The following COPS8 variants were observed in gnomAD, a reference collection of about 807,000 sequenced individuals.
COPS8 encodes COP9 signalosome subunit 8.
A neutral mutation model predicts 31.5 loss-of-function variants in COPS8; 11 were observed. That is an observed-to-expected ratio of 0.35 (90% CI 0.22 to 0.58). COPS8 has a LOEUF of 0.58. Ranked by LOEUF, COPS8 falls within the 20% of genes least tolerant of loss-of-function variation. COPS8 has a pLI of 0.83. For missense variants in COPS8, 215 were observed against 255.1 expected, an observed-to-expected ratio of 0.84 and a Z score of 1.07; for synonymous variants, 81 against 89.3, an observed-to-expected ratio of 0.91 and a Z score of 0.52.
intron 2 of COPS8, among the ~76,000 whole-genome samples, chr2:237,087,822 C>T (rs1297552969): frequency 6.6e-6 from 1 of 152,016 alleles, no homozygotes; most frequent in Non-Finnish European, 1.5e-5. Flanking sequence ...ATCCCAGCTA[C>T]CTGGGAGGCT....
In COPS8 at chr2:237,096,855, T is replaced by C. The variant is rs200178841; in HGVS notation, c.536T>C (p.Phe179Ser). Residue 179 changes from phenylalanine to serine, a missense_variant, in exon 7 of 8, where the codon TTT becomes TCT. By Grantham distance (155) the Phe-to-Ser change is radical. Transcript: ENST00000354371. ...AGALDVSFNK[F>S]IPLSEPAPVP... Reference sequence around the variant, plus strand: ...GCCCTGGATGTTTCCTTTAACAAGTTTATTCCCTTATCAGGTATGTATTTT... The same window carrying C: ...GCCCTGGATGTTTCCTTTAACAAGTCTATTCCCTTATCAGGTATGTATTTT... The C allele has an allele frequency of 6.2e-7, 1 of 1,610,246 alleles. No individual in the cohort carries two copies. The highest frequency in any genetic ancestry group is 1.7e-5 in the Admixed American group (1 of 59,576).
Position 237,099,564 on chromosome 2 carries a change from G to C in COPS8, c.*1822G>C, listed in dbSNP as rs1364198207. On this transcript the variant is annotated 3_prime_UTR_variant, in exon 8 of 8. Coordinates refer to ENST00000354371, the MANE Select transcript of COPS8 (RefSeq NM_006710.5). ...TTAAATTAATAATCATGTAACATTA[G>C]ACCCCAGTAATCTTAAATTTGACAT... 3 of 151,986 alleles carry C rather than the reference G, an allele frequency of 2.0e-5. No individual in the cohort carries two copies. In the East Asian group the frequency reaches 5.8e-4, roughly 29 times the overall value. The allele number at this position is 151,986 out of a possible 1,614,324, so 9.4% of individuals were successfully genotyped here.
chr2:237,088,793 C>T lies in COPS8; in HGVS notation c.198+140C>T, dbSNP rs539033515. On this transcript the variant is annotated intron_variant, in intron 3 of 7. Transcript: ENST00000354371. ...GTATTAAGGATTCGAAATAAATCTTCAGAGTCCTCTAATCAGAAATTTGAA... is the reference window on the plus strand; with the variant it reads ...GTATTAAGGATTCGAAATAAATCTTTAGAGTCCTCTAATCAGAAATTTGAA... 2.5e-3 allele frequency: 1,290 copies of T among 521,108 alleles called. 2 individuals carry two copies. Among genetic ancestry groups the T allele is most frequent in the Non-Finnish European group, 3.2e-3 (972 of 300,424 alleles). 32.3% of individuals were successfully genotyped at this position (521,108 alleles called of 1,614,324 possible). A position where few individuals can be genotyped will look rare whatever the true frequency, so the allele number is the denominator to read the frequency against.
chr2:237,093,078 C>A (rs961669622), intron 4 of COPS8, among the ~76,000 whole-genome samples: 1 of 152,018 alleles, frequency 6.6e-6, no homozygotes, highest in Non-Finnish European at 1.5e-5. Context: ...GGGCAGAGAT[C>A]GTAATGAATT....
At chr2:237,089,787 G>C in intron 3 of COPS8, 75 bp from the exon 4 acceptor site, 1 of 1,375,948 alleles carries the variant, frequency 7.3e-7, no homozygotes, top group Non-Finnish European at 1.0e-6. Flanking sequence ...ATCATTTCTG[G>C]TATTTTGTTT....
At chr2:237,093,165 A>G (rs998264568) in intron 4 of COPS8, among the ~76,000 whole-genome samples, 6 of 152,200 alleles carry the variant, frequency 3.9e-5, no homozygotes, top group African/African-American at 9.7e-5. Context: ...CAAAAGCCCC[A>G]GGGGGAGAAG....
chr2:237,093,946 T>C, intron 4 of COPS8, 144 bp from the exon 5 acceptor site: 1 of 1,412,930 alleles, frequency 7.1e-7, no homozygotes, highest in Non-Finnish European at 9.2e-7. Flanking sequence ...GGCATATGTA[T>C]TTGTATCTAT....
intron 1 of COPS8, chr2:237,086,663 C>A: frequency 3.7e-6 from 1 of 268,518 alleles, no homozygotes; most frequent in Non-Finnish European, 5.8e-6. Context: ...TAGATACTTT[C>A]CAGTTGAGTT....
rs746534581 is a variant in COPS8, at chr2:237,085,935, G to A, written c.-30G>A. 3 of 1,606,690 alleles carry A rather than the reference G, an allele frequency of 1.9e-6. No individual in the cohort carries two copies. The highest frequency in any genetic ancestry group is 2.6e-6 in the Non-Finnish European group (3 of 1,176,134). ...GGACAGTCTGGGGTTTGGCTGTCCG[G>A]ACGGTGCAGCGGCGAGGCCGGCCGC... is the stretch of plus-strand genomic sequence containing the variant. On this transcript the variant is annotated 5_prime_UTR_variant, in exon 1 of 8. Transcript: ENST00000354371.
chr2:237,095,960 T>C lies in COPS8; in HGVS notation c.502+76T>C, dbSNP rs1453938654. 1.8e-5 allele frequency: 18 copies of C among 1,002,072 alleles called. 1 individual carries two copies. Among genetic ancestry groups the C allele is most frequent in the Non-Finnish European group, 2.7e-5 (17 of 634,436 alleles). The allele number at this position is 1,002,072 out of a possible 1,614,324, so 62.1% of individuals were successfully genotyped here. ...CTTCAGGTTTTCAGTCTTTGGTTTT[T>C]GATAATTGGATGTAAAATTCGGCTA... is the stretch of plus-strand genomic sequence containing the variant. On this transcript the variant is annotated intron_variant, in intron 6 of 7. Transcript: ENST00000354371.
intron 6 of COPS8, 66 bp from the exon 7 acceptor site, chr2:237,096,756 T>A: frequency 8.1e-7 from 1 of 1,235,964 alleles, no homozygotes; most frequent in Non-Finnish European, 1.2e-6. Context: ...GAAAATAGCA[T>A]GTTCTATGAA....
intron 4 of COPS8, chr2:237,093,788 A>C (rs1326787777): frequency 9.7e-7 from 1 of 1,033,474 alleles, no homozygotes; most frequent in East Asian, 8.2e-5. Flanking sequence ...CCATTGCATA[A>C]ACATACTGCA....
At chr2:237,087,995 G>T (rs1356374555) in intron 2 of COPS8, among the ~76,000 whole-genome samples, 2 of 148,816 alleles carry the variant, frequency 1.3e-5, no homozygotes, top group African/African-American at 2.5e-5. Flanking sequence ...GTGACTCACT[G>T]ATGATTCCTG....
intron 1 of COPS8, among the ~76,000 whole-genome samples, chr2:237,086,437 GA>G (rs1419937041): frequency 6.6e-6 from 1 of 151,978 alleles, no homozygotes; most frequent in African/African-American, 2.4e-5. Flanking sequence ...CGCACACCAA[GA>G]AAAATGTGAC....
chr2:237,090,228 C>G (rs200107475), intron 4 of COPS8, among the ~76,000 whole-genome samples: 1 of 152,000 alleles, frequency 6.6e-6, no homozygotes, highest in Non-Finnish European at 1.5e-5. Flanking sequence ...AGAAATTGCT[C>G]GTCAGTTTTA....
chr2:237,092,923 G>C (rs1469657116), intron 4 of COPS8, among the ~76,000 whole-genome samples: 1 of 152,140 alleles, frequency 6.6e-6, no homozygotes, highest in African/African-American at 2.4e-5. Context: ...AGGTGTTTGG[G>C]GGACTTTGAG....
Position 237,085,942 on chromosome 2 carries a change from C to T in COPS8, c.-23C>T, listed in dbSNP as rs1376450423. Reference sequence around the variant, plus strand: ...CTGGGGTTTGGCTGTCCGGACGGTGCAGCGGCGAGGCCGGCCGCGAAGATG... The same window carrying T: ...CTGGGGTTTGGCTGTCCGGACGGTGTAGCGGCGAGGCCGGCCGCGAAGATG... On this transcript the variant is annotated 5_prime_UTR_variant, in exon 1 of 8. Transcript: ENST00000354371. 5.6e-6 allele frequency: 9 copies of T among 1,608,628 alleles called. No homozygotes were observed. The highest frequency in any genetic ancestry group is 4.4e-5 in the South Asian group (4 of 90,244).
At chr2:237,087,100 G>A (rs778111439) in intron 1 of COPS8, 27 bp from the exon 2 acceptor site, 1 of 1,518,676 alleles carries the variant, frequency 6.6e-7, no homozygotes. Flanking sequence ...GTGTTGTTTT[G>A]TTTTGTTTTC....
intron 6 of COPS8, 115 bp from the exon 7 acceptor site, chr2:237,096,707 T>C: frequency 1.3e-6 from 1 of 769,140 alleles, no homozygotes; most frequent in Non-Finnish European, 2.2e-6. Flanking sequence ...TTGTTATCCC[T>C]GTTTGAGAAA....
Sources: gnomAD v4.1 joint callset for allele counts (sites outside exome capture counted in the v4.1 genomes callset) on GRCh38, gnomAD v4.1.1 for gene constraint, MANE v1.5 for transcripts, NCBI Gene and HGNC (gene_info 2026-07-23, HGNC 2026-07-21) for gene names.